Variants in KALRN observed in about 807,000 individuals in gnomAD.
The protein encoded by KALRN is kalirin RhoGEF kinase, also known as kalirin.
In KALRN, 70 loss-of-function variants were observed where a neutral mutation model predicts 353.7. That is an observed-to-expected ratio of 0.20 (90% CI 0.16 to 0.24). KALRN has a LOEUF of 0.24. KALRN is among the 10% of genes least tolerant of loss of function. The pLI is 1.00. For missense variants in KALRN, 2,791 were observed against 3,756.7 expected, an observed-to-expected ratio of 0.74 and a Z score of 6.72; for synonymous variants, 1,391 against 1,434.8, an observed-to-expected ratio of 0.97 and a Z score of 0.69.
chr3:124,536,878 T>C (rs1232790080), intron 33 of KALRN, among the ~76,000 whole-genome samples: 2 of 152,134 alleles, frequency 1.3e-5, no homozygotes, highest in African/African-American at 4.8e-5. Flanking sequence ...TTGAGAAAGT[T>C]CAATTAAAAC....
At chr3:124,486,970 T>G (rs113357946) in intron 28 of KALRN, among the ~76,000 whole-genome samples, 14 of 152,322 alleles carry the variant, frequency 9.2e-5, no homozygotes, top group African/African-American at 3.4e-4. Context: ...ATTTCCTAGA[T>G]AAGTCCTCTC....
At chr3:124,484,939 A>G (rs982387789) in intron 28 of KALRN, among the ~76,000 whole-genome samples, 4 of 152,084 alleles carry the variant, frequency 2.6e-5, no homozygotes, top group African/African-American at 9.7e-5. Context: ...CCCCGTCTCT[A>G]CAAAAAATTA....
At chr3:124,067,334 T>C (rs2042450395) in intron 1 of KALRN, among the ~76,000 whole-genome samples, 2 of 150,378 alleles carry the variant, frequency 1.3e-5, no homozygotes, top group Non-Finnish European at 3.0e-5. Context: ...CCACCCCTGT[T>C]GTGATGGGGA....
chr3:124,037,697 T>C (rs2149057125), intron 1 of KALRN, among the ~76,000 whole-genome samples: 1 of 151,278 alleles, frequency 6.6e-6, no homozygotes, highest in African/African-American at 2.4e-5. Context: ...GGATGGGGAG[T>C]CAGGGATGCC....
chr3:124,052,453 A>G (rs1051149925), intron 1 of KALRN, among the ~76,000 whole-genome samples: 2 of 152,082 alleles, frequency 1.3e-5, no homozygotes, highest in Non-Finnish European at 2.9e-5. Flanking sequence ...AGGGAGGACT[A>G]ACTTATTCAT....
Position 124,633,700 on chromosome 3 carries a change from T to A in KALRN, c.5467-152T>A, listed in dbSNP as rs907969257. ...CTCTCATTTGAAATAAGCAGGTGTA[T>A]CCATGTATCAAAAGAGGAAATTGCG... On this transcript the variant is annotated intron_variant, in intron 35 of 59. Coordinates refer to ENST00000682506, the MANE Select transcript of KALRN (RefSeq NM_001388419.1). The A allele has an allele frequency of 9.2e-5, 57 of 621,320 alleles. 1 individual carries two copies. The Middle Eastern group carries it at 1.2e-3, about 13-fold the overall frequency. 38.5% of individuals were successfully genotyped at this position (621,320 alleles called of 1,614,324 possible). A position where few individuals can be genotyped will look rare whatever the true frequency, so the allele number is the denominator to read the frequency against.
Position 124,155,987 on chromosome 3 carries a change from A to T in KALRN, c.74-72003A>T, listed in dbSNP as rs568361299. 2.6e-5 allele frequency among the ~76,000 whole-genome samples: 4 copies of T among 152,318 alleles called. No individual in the cohort carries two copies. The East Asian group carries it at 7.7e-4, about 29-fold the overall frequency. On this transcript the variant is annotated intron_variant, in intron 1 of 59. Coordinates refer to ENST00000682506, the MANE Select transcript of KALRN (RefSeq NM_001388419.1). ...TTCATCTGGGTCTGGGATGCTGATA[A>T]GACAGGGTCTCCTTAGATAGATGGA...
chr3:124,451,999 C>A (rs1321063581), intron 21 of KALRN, among the ~76,000 whole-genome samples: 1 of 152,214 alleles, frequency 6.6e-6, no homozygotes, highest in Non-Finnish European at 1.5e-5. Context: ...TATTTCTAGT[C>A]CCCTATTTAG....
At chr3:124,330,281 CACACA>C in intron 8 of KALRN, among the ~76,000 whole-genome samples, 1 of 149,054 alleles carries the variant, frequency 6.7e-6, no homozygotes. Flanking sequence ...CACACACACA[CACACA>C]CCCCATACAC....
intron 21 of KALRN, among the ~76,000 whole-genome samples, chr3:124,449,099 T>C (rs537430698): frequency 1.3e-5 from 2 of 152,218 alleles, no homozygotes; most frequent in Admixed American, 1.3e-4. Flanking sequence ...AATCCCACTT[T>C]CCAGAGGTAA....
At chr3:124,649,255 T>C (rs1019224131) in intron 37 of KALRN, among the ~76,000 whole-genome samples, 6 of 152,246 alleles carry the variant, frequency 3.9e-5, no homozygotes, top group Non-Finnish European at 7.3e-5. Context: ...TGGACCTTTC[T>C]GTTCTACCTG....
rs1165640651 is a variant in KALRN, at chr3:124,419,245, G to A, written c.2543-3567G>A. On this transcript the variant is annotated intron_variant, in intron 14 of 59. Transcript: ENST00000682506. ...TACAAGCCATTCAATAGTTCCATCA[G>A]CAATCAAAAGTGTATTCATTATAAT... Among the ~76,000 whole-genome samples, 3 of 151,138 alleles carry A rather than the reference G, an allele frequency of 2.0e-5. No homozygotes were observed. The Admixed American group carries it at 2.0e-4, about 10-fold the overall frequency.
chr3:124,204,471 A>G (rs138594077), intron 1 of KALRN, among the ~76,000 whole-genome samples: 1 of 152,368 alleles, frequency 6.6e-6, no homozygotes, highest in East Asian at 1.9e-4. Context: ...AAAAGAAATG[A>G]ATGCAGGCTT....
chr3:124,278,483 G>GTGTGTGTGTC (rs1168706357), intron 5 of KALRN, among the ~76,000 whole-genome samples: 14 of 150,828 alleles, frequency 9.3e-5, no homozygotes, highest in Admixed American at 8.6e-4. Context: ...GTGTGTGTGT[G>GTGTGTGTGTC]TGTGTGGTGC....
intron 1 of KALRN, among the ~76,000 whole-genome samples, chr3:124,186,487 C>G (rs924385046): frequency 2.0e-5 from 3 of 152,162 alleles, no homozygotes; most frequent in African/African-American, 7.2e-5. Context: ...GTAACAGATG[C>G]TATTTTAAAA....
chr3:124,426,166 G>C (rs1479104525), intron 15 of KALRN, among the ~76,000 whole-genome samples: 1 of 152,138 alleles, frequency 6.6e-6, no homozygotes, highest in African/African-American at 2.4e-5. Context: ...TCTTTCCTTA[G>C]GGAGCGCTTT....
At chr3:124,571,758 C>A (rs1219580967) in intron 34 of KALRN, among the ~76,000 whole-genome samples, 1 of 151,654 alleles carries the variant, frequency 6.6e-6, no homozygotes, top group Non-Finnish European at 1.5e-5. Context: ...TGGCAAATAG[C>A]TGGGACCACA....
chr3:124,037,719 T>C (rs1029566140), intron 1 of KALRN, among the ~76,000 whole-genome samples: 2 of 151,874 alleles, frequency 1.3e-5, no homozygotes, highest in African/African-American at 4.8e-5. Context: ...TTGAGACACA[T>C]TTTTAGAGGT....
At chr3:124,434,214 C>T (rs1488667119) in intron 16 of KALRN, 93 bp from the exon 17 acceptor site, 2 of 820,538 alleles carry the variant, frequency 2.4e-6, no homozygotes, top group African/African-American at 1.7e-5. Context: ...TCTTTAACTT[C>T]TCTGCATCTT....
Sources: allele counts gnomAD v4.1 joint callset (sites outside exome capture counted in the v4.1 genomes callset), GRCh38; gene constraint gnomAD v4.1.1; transcripts MANE v1.5; gene names NCBI Gene and HGNC (gene_info 2026-07-23, HGNC 2026-07-21).